The following ATP10D variants were observed in gnomAD, a reference collection of about 807,000 sequenced individuals.
The protein encoded by ATP10D is ATPase phospholipid transporting 10D (putative), also known as phospholipid-transporting ATPase VD.
A neutral mutation model predicts 144.8 loss-of-function variants in ATP10D; 89 were observed. The ratio of observed to expected loss-of-function variants is 0.61; its 90% CI spans 0.52 to 0.73. The LOEUF is 0.73. ATP10D is among the 30% of genes least tolerant of loss of function. ATP10D has a pLI of 0.00. For missense variants in ATP10D, 1,603 were observed against 1,714.8 expected, an observed-to-expected ratio of 0.93 and a Z score of 1.15; for synonymous variants, 571 against 615.1, an observed-to-expected ratio of 0.93 and a Z score of 1.06.
intron 5 of ATP10D, among the ~76,000 whole-genome samples, chr4:47,532,440 T>C (rs949418356): frequency 6.6e-6 from 1 of 152,230 alleles, no homozygotes; most frequent in Non-Finnish European, 1.5e-5. Flanking sequence ...GTGGCCTCCC[T>C]TCTGGAATCC....
At chr4:47,558,646 A>G (rs1300495175) in intron 12 of ATP10D, among the ~76,000 whole-genome samples, 1 of 152,220 alleles carries the variant, frequency 6.6e-6, no homozygotes, top group African/African-American at 2.4e-5. Flanking sequence ...TGCCCAATAA[A>G]TGTCAGCTAG....
Position 47,572,038 on chromosome 4 carries a change from C to T in ATP10D, c.3164-116C>T, listed in dbSNP as rs564306317. ...ACTTACTTCCAGGAAACTTGGAGAA[C>T]GGGATGAACTTTGAAGGATTTATTT... On this transcript the variant is annotated intron_variant, in intron 16 of 22. Transcript: ENST00000273859. 4.2e-4 allele frequency: 387 copies of T among 912,440 alleles called. 2 individuals carry two copies. The African/African-American group carries it at 5.5e-3, about 13-fold the overall frequency. 56.5% of individuals were successfully genotyped at this position (912,440 alleles called of 1,614,324 possible).
intron 3 of ATP10D, 147 bp from the exon 4 acceptor site, chr4:47,522,864 TG>T: frequency 3.0e-6 from 2 of 670,492 alleles, no homozygotes; most frequent in Non-Finnish European, 4.8e-6. Flanking sequence ...CCAACTTGCC[TG>T]GCCCCTTTGA....
chr4:47,523,066 T>C lies in ATP10D; in HGVS notation c.540T>C (p.Phe180=), dbSNP rs777929526. 2 of 1,614,062 alleles carry C rather than the reference T, an allele frequency of 1.2e-6. No homozygotes were observed. The highest frequency in any genetic ancestry group is 1.7e-5 in the Admixed American group (1 of 60,002). The change falls in exon 4 of 23, where the codon TTT becomes TTC. Residue 180 remains phenylalanine (F), a synonymous_variant. Transcript: ENST00000273859. ...GGAAAGACGTTACTGTTGGGGACTT[T>C]ATTCGCCTCTCCTGCAACGAGGTCA... The part of the protein sequence containing the change: ...RCWKDVTVGD[F]IRLSCNEVIP...
At chr4:47,510,106 A>C (rs76210113) in intron 1 of ATP10D, among the ~76,000 whole-genome samples, 2,302 of 151,900 alleles carry the variant, frequency 0.015, 66 homozygotes, top group African/African-American at 0.053. Context: ...TAAGAGTTTA[A>C]ATTTTAAACT....
Position 47,581,946 on chromosome 4 carries a change from T to C in ATP10D, c.3649-14T>C. On this transcript the variant is annotated splice_polypyrimidine_tract_variant and intron_variant, in intron 20 of 22. Transcript: ENST00000273859. ...CACAACTCTCCAGGATCATCTAATG[T>C]CCTCTCTTTGTAGACCTACCAGGGC... 6.2e-7 allele frequency: 1 copy of C among 1,602,678 alleles called. No individual in the cohort carries two copies. The highest frequency in any genetic ancestry group is 1.3e-5 in the African/African-American group (1 of 74,768).
chr4:47,537,598 T>A (rs574734886), intron 9 of ATP10D, among the ~76,000 whole-genome samples: 5 of 152,306 alleles, frequency 3.3e-5, no homozygotes, highest in African/African-American at 1.2e-4. Flanking sequence ...TATTTCTCTA[T>A]ATGTGAACAT....
At chr4:47,488,239 T>C (rs1332433377) in intron 1 of ATP10D, among the ~76,000 whole-genome samples, 1 of 152,104 alleles carries the variant, frequency 6.6e-6, no homozygotes, top group Non-Finnish European at 1.5e-5. Context: ...ATACTTGCAA[T>C]GTATTCTGTA....
At chr4:47,488,706 A>G (rs1474646044) in intron 1 of ATP10D, among the ~76,000 whole-genome samples, 4 of 151,242 alleles carry the variant, frequency 2.6e-5, no homozygotes, top group Non-Finnish European at 4.4e-5. Context: ...CGAGATTGCT[A>G]TGGTCTAAAT....
intron 1 of ATP10D, among the ~76,000 whole-genome samples, chr4:47,485,943 T>G (rs1714734386): frequency 2.0e-5 from 3 of 152,146 alleles, no homozygotes; most frequent in Non-Finnish European, 4.4e-5. Flanking sequence ...TAAAGAAATT[T>G]TGGTTATCTG....
intron 15 of ATP10D, among the ~76,000 whole-genome samples, chr4:47,565,249 C>T (rs943644191): frequency 1.3e-5 from 2 of 152,172 alleles, no homozygotes; most frequent in African/African-American, 2.4e-5. Flanking sequence ...CGTGAGCCAC[C>T]GCGCCCGGCC....
intron 10 of ATP10D, among the ~76,000 whole-genome samples, chr4:47,551,005 G>C (rs936363188): frequency 6.6e-6 from 1 of 152,250 alleles, no homozygotes; most frequent in Non-Finnish European, 1.5e-5. Flanking sequence ...CGGCTCCAAT[G>C]CCTGGGTTTA....
At chr4:47,488,267 ATAT>A (rs1714876054) in intron 1 of ATP10D, among the ~76,000 whole-genome samples, 1 of 152,006 alleles carries the variant, frequency 6.6e-6, no homozygotes, top group Non-Finnish European at 1.5e-5. Context: ...GAAATTTAAT[ATAT>A]TATCTTATGT....
chr4:47,502,202 C>T (rs1715718579), intron 1 of ATP10D, among the ~76,000 whole-genome samples: 1 of 152,082 alleles, frequency 6.6e-6, no homozygotes, highest in South Asian at 2.1e-4. Flanking sequence ...GGACTGGGCG[C>T]GGTGGTTTGT....
At chr4:47,556,251 G>C (rs1718988068) in intron 11 of ATP10D, among the ~76,000 whole-genome samples, 1 of 152,142 alleles carries the variant, frequency 6.6e-6, no homozygotes, top group African/African-American at 2.4e-5. Context: ...TTTTCCATCA[G>C]ATCATTTTCT....
intron 1 of ATP10D, among the ~76,000 whole-genome samples, chr4:47,507,188 T>C (rs962476581): frequency 2.0e-5 from 3 of 152,320 alleles, no homozygotes; most frequent in Middle Eastern, 3.4e-3. Flanking sequence ...ATAAATATTA[T>C]AGAGAGAACA....
chr4:47,563,486 G>C, intron 14 of ATP10D, 95 bp from the exon 15 acceptor site: 1 of 1,175,842 alleles, frequency 8.5e-7, no homozygotes, highest in South Asian at 1.6e-5. Context: ...GTGTAGGGTT[G>C]AGTTGGCTAA....
At position 47,558,261 on chromosome 4, in the gene ATP10D, G is replaced by C. The variant is rs772070379; in HGVS notation, c.2422G>C (p.Val808Leu). 5 of 1,612,096 alleles carry C rather than the reference G, an allele frequency of 3.1e-6. No homozygotes were observed. In the African/African-American group the frequency reaches 6.7e-5, roughly 22 times the overall value. The part of the protein sequence containing the change: ...ADSVIMELLS[V>L]ASPDGASLEK... ...TTCTGTGATCATGGAGTTACTGTCG[G>C]TGGCTTCCCCAGGTAAGTTTATACA... Residue 808 changes from valine to leucine, a missense_variant, in exon 12 of 23, where the codon GTG becomes CTG. Val to Leu is a conservative substitution (Grantham distance 32, BLOSUM62 1). Transcript: ENST00000273859.
rs1351727642 is a variant in ATP10D at position 47,512,675 on chromosome 4, A to G, written c.135A>G (p.Lys45=). ...GGCGCAAGTCCTCTCAGACCCCTAA[A>G]CTGTCAGGAAGGCACCGGATTGTTG... ...ACGRKSSQTP[K]LSGRHRIVVP... Residue 45 remains lysine (K), a synonymous_variant, in exon 2 of 23, where the codon AAA becomes AAG. Coordinates refer to ENST00000273859, the MANE Select transcript of ATP10D (RefSeq NM_020453.4). 6.2e-7 allele frequency: 1 copy of G among 1,614,122 alleles called. No individual in the cohort carries two copies. The highest frequency in any genetic ancestry group is 1.7e-5 in the Admixed American group (1 of 60,012).
Sources: gnomAD v4.1 joint callset for allele counts (sites outside exome capture counted in the v4.1 genomes callset) on GRCh38, gnomAD v4.1.1 for gene constraint, MANE v1.5 for transcripts, NCBI Gene and HGNC (gene_info 2026-07-23, HGNC 2026-07-21) for gene names.